Variants in IQSEC1 observed in about 807,000 individuals in gnomAD.
IQSEC1 encodes the protein IQ motif and Sec7 domain ArfGEF 1.
A neutral mutation model predicts 91.0 loss-of-function variants in IQSEC1; 31 were observed. The ratio of observed to expected loss-of-function variants is 0.34; its 90% CI spans 0.26 to 0.46. The LOEUF (loss-of-function observed/expected upper bound fraction) is 0.46, where lower values mean the gene tolerates loss of function less well. IQSEC1 is among the 20% of genes least tolerant of loss of function. IQSEC1 has a pLI of 1.00. For synonymous variants in IQSEC1, 699 were observed against 662.6 expected (o/e 1.05, Z -0.84); for missense variants, 1,388 against 1,575.6 (o/e 0.88, Z 2.02).
chr3:13,270,011 A>C (rs1418164709), intron 1 of IQSEC1, among the ~76,000 whole-genome samples: 1 of 152,196 alleles, frequency 6.6e-6, no homozygotes. Flanking sequence ...AGGCCACCAG[A>C]TTGGAGAAGC....
intron 1 of IQSEC1, among the ~76,000 whole-genome samples, chr3:12,963,605 G>T: frequency 6.6e-6 from 1 of 152,320 alleles, no homozygotes; most frequent in East Asian, 1.9e-4. Flanking sequence ...CTCCCCAGGG[G>T]TTTCTTTTGG....
intron 1 of IQSEC1, among the ~76,000 whole-genome samples, chr3:12,972,618 G>A (rs969326887): frequency 1.3e-5 from 2 of 152,210 alleles, no homozygotes; most frequent in Non-Finnish European, 2.9e-5. Flanking sequence ...AGAATGCTGG[G>A]TCTGCGAGGG....
rs140118469 is a variant in IQSEC1 at position 13,109,128 on chromosome 3, C to T, written c.302+54976G>A. ...CAGAATGACTCTCACTGGGGAATCG[C>T]GGGGTGGTGTACAGGCATTACCGAG... is the stretch of plus-strand genomic sequence containing the variant. On this transcript the variant is annotated intron_variant, in intron 2 of 15. Coordinates refer to the IQSEC1 transcript ENST00000648114. Among the ~76,000 whole-genome samples, 371 of 152,188 alleles carry T rather than the reference C, an allele frequency of 2.4e-3. 7 individuals carry two copies. The highest frequency in any genetic ancestry group is 8.4e-3 in the African/African-American group (349 of 41,502).
intron 2 of IQSEC1, among the ~76,000 whole-genome samples, chr3:12,939,230 C>T (rs578038080): frequency 2.2e-4 from 34 of 152,334 alleles, no homozygotes; most frequent in Admixed American, 6.5e-4. Flanking sequence ...ATAGAGGAGT[C>T]GACCCCGTGG....
At chr3:13,174,499 C>G (rs554182376) in intron 1 of IQSEC1, among the ~76,000 whole-genome samples, 2 of 152,152 alleles carry the variant, frequency 1.3e-5, no homozygotes, top group Non-Finnish European at 2.9e-5. Context: ...CTCCTCCACC[C>G]GTCCCAGCGC....
At chr3:13,122,972 G>T (rs913176409) in intron 2 of IQSEC1, among the ~76,000 whole-genome samples, 1 of 152,102 alleles carries the variant, frequency 6.6e-6, no homozygotes, top group Non-Finnish European at 1.5e-5. Context: ...GTCTTTCTGC[G>T]CCCTCCCTGC....
At chr3:12,947,629 G>T (rs1699270305) in intron 1 of IQSEC1, among the ~76,000 whole-genome samples, 1 of 152,208 alleles carries the variant, frequency 6.6e-6, no homozygotes, top group Non-Finnish European at 1.5e-5. Flanking sequence ...CTTCCCATGA[G>T]ATGAGTTCTG....
At chr3:13,031,029 T>C (rs552723474) in intron 1 of IQSEC1, among the ~76,000 whole-genome samples, 125 of 152,394 alleles carry the variant, frequency 8.2e-4, no homozygotes, top group African/African-American at 3.0e-3. Context: ...CTCCTTTAAA[T>C]GGAAAACTAG....
At chr3:13,204,620 C>A (rs945747873) in intron 1 of IQSEC1, among the ~76,000 whole-genome samples, 1 of 152,168 alleles carries the variant, frequency 6.6e-6, no homozygotes, top group Non-Finnish European at 1.5e-5. Flanking sequence ...GCCCGGGATT[C>A]CTGGGCGGAA....
chr3:12,956,952 C>T (rs1159569952), intron 1 of IQSEC1, among the ~76,000 whole-genome samples: 2 of 152,198 alleles, frequency 1.3e-5, no homozygotes, highest in African/African-American at 2.4e-5. Context: ...GTAAATCCCA[C>T]GTGGAGCTGT....
At chr3:13,078,489 A>C (rs1289397588) in intron 2 of IQSEC1, among the ~76,000 whole-genome samples, 1 of 152,004 alleles carries the variant, frequency 6.6e-6, no homozygotes, top group Non-Finnish European at 1.5e-5. Context: ...ACCTCTCAGC[A>C]GGCAGTGTAG....
intron 1 of IQSEC1, among the ~76,000 whole-genome samples, chr3:13,037,944 T>C (rs560456032): frequency 2.8e-4 from 43 of 152,044 alleles, no homozygotes; most frequent in Middle Eastern, 6.8e-3. Context: ...GATTGCACAA[T>C]AACGTGAATG....
At chr3:13,185,978 T>G (rs1201364442) in intron 1 of IQSEC1, among the ~76,000 whole-genome samples, 2 of 152,340 alleles carry the variant, frequency 1.3e-5, no homozygotes, top group African/African-American at 4.8e-5. Context: ...CAATGAGCAG[T>G]GGGCTTTGAC....
At chr3:13,130,972 GGAAA>G (rs1161149833) in intron 2 of IQSEC1, among the ~76,000 whole-genome samples, 2 of 132,460 alleles carry the variant, frequency 1.5e-5, no homozygotes, top group African/African-American at 5.6e-5. Context: ...AGGGAAAGAA[GGAAA>G]GAAAGAGAGA....
rs374075656 is a variant in IQSEC1 at position 13,259,289 on chromosome 3, C to A, written c.272+23422G>T. 1.3e-5 allele frequency among the ~76,000 whole-genome samples: 2 copies of A among 152,276 alleles called. No homozygotes were observed. The highest frequency in any genetic ancestry group is 4.8e-5 in the African/African-American group (2 of 41,534). On this transcript the variant is annotated intron_variant, in intron 1 of 15. Coordinates refer to the IQSEC1 transcript ENST00000648114. This position sits in a 1 kb window ranked among gnomAD's most constrained non-coding sequence, Gnocchi z 4.6. ...ATGGGTGTTCTAATGAATGAAGAAGCCCACAATGCACTGCACAGATGTTAT... is the reference window on the plus strand; with the variant it reads ...ATGGGTGTTCTAATGAATGAAGAAGACCACAATGCACTGCACAGATGTTAT...
chr3:13,172,392 C>T (rs1043635536), intron 1 of IQSEC1, among the ~76,000 whole-genome samples: 1 of 152,140 alleles, frequency 6.6e-6, no homozygotes, highest in Non-Finnish European at 1.5e-5. Context: ...CTAGGAGGCA[C>T]GTCGGCCTTC....
intron 1 of IQSEC1, chr3:12,960,440 G>A (rs761969763): frequency 2.0e-5 from 3 of 152,194 alleles, no homozygotes; most frequent in Non-Finnish European, 4.4e-5. Flanking sequence ...CGCACAGCTG[G>A]GGCCTGCAGG....
intron 2 of IQSEC1, among the ~76,000 whole-genome samples, chr3:13,163,401 G>T (rs1707215376): frequency 6.6e-6 from 1 of 152,136 alleles, no homozygotes; most frequent in African/African-American, 2.4e-5. Flanking sequence ...ACTGCCTCCT[G>T]GCCTCTCCTT....
rs1049881174 is a variant in IQSEC1, at chr3:12,923,237, G to A, written c.1731-995C>T. Among the ~76,000 whole-genome samples the A allele has an allele frequency of 2.0e-5, 3 of 152,214 alleles. No homozygotes were observed. The South Asian group carries it at 6.2e-4, about 32-fold the overall frequency. On this transcript the variant is annotated intron_variant, in intron 4 of 13. Transcript: ENST00000613206. ...GGCCACTGCTATTTTCTGACCTGAG[G>A]AAAACAATGTGCGGATTTCCTAAGG... is the stretch of plus-strand genomic sequence containing the variant.
Sources: allele counts gnomAD v4.1 joint callset (sites outside exome capture counted in the v4.1 genomes callset), GRCh38; gene constraint gnomAD v4.1.1; non-coding constraint Gnocchi (gnomAD v3.1); transcripts MANE v1.5; gene names NCBI Gene and HGNC (gene_info 2026-07-23, HGNC 2026-07-21).